The following SYNE1 variants were observed in gnomAD, a reference collection of about 807,000 sequenced individuals.
SYNE1 encodes nesprin-1.
A neutral mutation model predicts 1,111.0 loss-of-function variants in SYNE1; 616 were observed. The observed-to-expected ratio is 0.55, with a 90% CI of 0.52 to 0.59. The LOEUF (loss-of-function observed/expected upper bound fraction) is 0.59. SYNE1 is among the 20% of genes least tolerant of loss of function. The pLI is 0.00. For missense variants in SYNE1, 10,006 were observed against 10,417.0 expected (o/e 0.96, Z 1.72); for synonymous variants, 3,855 against 3,825.8 (o/e 1.01, Z -0.28).
chr6:152,141,003 C>G (rs1480273685), intron 139 of SYNE1, among the ~76,000 whole-genome samples, 200 bp downstream of exon 139: 3 of 151,946 alleles, frequency 2.0e-5, no homozygotes, highest in Non-Finnish European at 4.4e-5. Flanking sequence ...CCACTGCACT[C>G]CAGCCTGGGC....
At position 152,323,630 on chromosome 6, in the gene SYNE1, G is replaced by T; in HGVS notation, c.15765C>A (p.Asp5255Glu). 1.2e-6 allele frequency: 2 copies of T among 1,614,224 alleles called. No homozygotes were observed. The highest frequency in any genetic ancestry group is 2.2e-5 in the South Asian group (2 of 91,080). Residue 5255 changes from aspartate (D) to glutamate (E), a missense_variant, in exon 82 of 146, where the codon GAC becomes GAA. Physicochemically the swap from Asp to Glu is conservative, Grantham distance 45. Coordinates refer to ENST00000367255, the MANE Select transcript of SYNE1 (RefSeq NM_182961.4). ...GCTGCTCCAGCTCCAGAACGAACGT[G>T]TCGTGGTATTCAAGAAGAGTTAAGA... Reference protein sequence around the residue: ...AELLTLLEYHDTFVLELEQQQ... With the variant: ...AELLTLLEYHETFVLELEQQQ...
intron 3 of SYNE1, among the ~76,000 whole-genome samples, chr6:152,578,210 T>C (rs1412172554): frequency 6.6e-6 from 1 of 152,200 alleles, no homozygotes; most frequent in African/African-American, 2.4e-5. Flanking sequence ...CACAGGAAGT[T>C]ACATGGAAAT....
At position 152,461,691 on chromosome 6, in the gene SYNE1, G is replaced by A. The variant is rs750186803; in HGVS notation, c.2300C>T (p.Thr767Ile). Residue 767 changes from threonine (T) to isoleucine (I), a missense_variant, in exon 21 of 146, where the codon ACA becomes ATA. Physicochemically the swap from Thr to Ile is moderately conservative, Grantham distance 89. This residue lies in a region of SYNE1 where 1,971 missense variants were observed against 2,084.1 expected (regional missense o/e 0.95). Coordinates refer to ENST00000367255, the MANE Select transcript of SYNE1 (RefSeq NM_182961.4). ...TTTGGTAATGAGGTGTGCTGTCTTTGTAATTATCTTGTATTGGGCATCCAT... is the reference window on the plus strand; with the variant it reads ...TTTGGTAATGAGGTGTGCTGTCTTTATAATTATCTTGTATTGGGCATCCAT... Reference protein sequence around the residue: ...PVMDAQYKIITKTAHLITKES... With the variant: ...PVMDAQYKIIIKTAHLITKES... The A allele has an allele frequency of 3.1e-6, 5 of 1,613,860 alleles. No individual in the cohort carries two copies. Among genetic ancestry groups the A allele is most frequent in the Admixed American group, 3.3e-5 (2 of 59,988 alleles).
At chr6:152,188,955 C>T (rs2071113953) in intron 128 of SYNE1, among the ~76,000 whole-genome samples, 1 of 18,014 alleles carries the variant, frequency 5.6e-5, no homozygotes, top group African/African-American at 2.3e-4. Context: ...GAGACTCTGT[C>T]TCAAAAAAAA....
At position 152,125,308 on chromosome 6, in the gene SYNE1, A is replaced by G. The variant is rs767753827; in HGVS notation, c.26154-2632T>C. The G allele has an allele frequency of 5.2e-6, 8 of 1,550,468 alleles. No individual in the cohort carries two copies. In the South Asian group the frequency reaches 8.3e-5, roughly 16 times the overall value. On this transcript the variant is annotated intron_variant, in intron 145 of 145. Coordinates refer to ENST00000367255, the MANE Select transcript of SYNE1 (RefSeq NM_182961.4). ...GCAAAGAAGAGAATCCTGAACTTGC[A>G]TCCTAAAATATTTGGAAACAAGTGG... is the stretch of plus-strand genomic sequence containing the variant.
chr6:152,452,858 C>T (rs988430268), intron 25 of SYNE1, among the ~76,000 whole-genome samples: 9 of 152,186 alleles, frequency 5.9e-5, no homozygotes, highest in African/African-American at 9.6e-5. Flanking sequence ...CCCCGTGTCC[C>T]GCTTCACGCT....
intron 95 of SYNE1, among the ~76,000 whole-genome samples, 171 bp downstream of exon 95, chr6:152,293,417 A>G (rs866480093): frequency 5.9e-5 from 9 of 152,112 alleles, no homozygotes; most frequent in Admixed American, 6.5e-5. Context: ...TCCCTGAATC[A>G]GTAGTAGAAA....
At chr6:152,203,696 T>C (rs2075965459) in intron 126 of SYNE1, among the ~76,000 whole-genome samples, 1 of 152,204 alleles carries the variant, frequency 6.6e-6, no homozygotes, top group Admixed American at 6.5e-5. Flanking sequence ...GAAGCAGTGT[T>C]GACTAAAGTG....
intron 124 of SYNE1, 56 bp from the exon 125 acceptor site, chr6:152,208,262 G>T: frequency 6.7e-7 from 1 of 1,499,630 alleles, no homozygotes; most frequent in Non-Finnish European, 9.2e-7. Flanking sequence ...ATGCAGTTAC[G>T]CAATCAGCCA....
rs1302260054 is a variant in SYNE1, at chr6:152,254,821, C to T, written c.19470+59G>A. 44 of 1,465,502 alleles carry T rather than the reference C, an allele frequency of 3.0e-5. No homozygotes were observed. The East Asian group carries it at 9.5e-4, about 32-fold the overall frequency. The allele number at this position is 1,465,502 out of a possible 1,614,324, so 90.8% of individuals were successfully genotyped here. On this transcript the variant is annotated intron_variant, in intron 104 of 145. Coordinates refer to ENST00000367255, the MANE Select transcript of SYNE1 (RefSeq NM_182961.4). Reference sequence around the variant, plus strand: ...CCAGGTCTGTAACACAGACTCGTGACTGACTATTACTGAATACCTAGAGAA... The same window carrying T: ...CCAGGTCTGTAACACAGACTCGTGATTGACTATTACTGAATACCTAGAGAA...
intron 22 of SYNE1, 38 bp downstream of exon 22, chr6:152,458,719 C>T: frequency 6.2e-7 from 1 of 1,607,974 alleles, no homozygotes; most frequent in Non-Finnish European, 8.5e-7. Context: ...GTTACACATG[C>T]TTTAGAATAA....
chr6:152,135,236 C>A lies in SYNE1; in HGVS notation c.25660-4G>T, dbSNP rs1157056250. On this transcript the variant is annotated splice_region_variant and splice_polypyrimidine_tract_variant and intron_variant, in intron 141 of 145. Transcript: ENST00000367255. ...CATGGCTCATTTCATGGAAACCCTA[C>A]AGAAAACAGTTTAAAGTAACTGTAA... is the stretch of plus-strand genomic sequence containing the variant. 1 of 1,613,918 alleles carries A rather than the reference C, an allele frequency of 6.2e-7. No individual in the cohort carries two copies.
At chr6:152,409,318 G>T in intron 43 of SYNE1, 92 bp from the exon 44 acceptor site, 1 of 1,324,764 alleles carries the variant, frequency 7.5e-7, no homozygotes, top group Non-Finnish European at 1.1e-6. Flanking sequence ...ATTCATAATT[G>T]ACCTTATGCA....
rs113943465 is a variant in SYNE1, at chr6:152,462,720, G to A, written c.2250+18C>T. The A allele has an allele frequency of 1.2e-6, 2 of 1,613,744 alleles. No individual in the cohort carries two copies. ...CACAACAGAGTAGGCTTTTCATTTT[G>A]ATTCAGAAACCCCTCACCTCCAAGT... On this transcript the variant is annotated intron_variant, in intron 20 of 145. Transcript: ENST00000367255.
At chr6:152,287,112 C>T (rs1420900130) in intron 95 of SYNE1, among the ~76,000 whole-genome samples, 2 of 152,072 alleles carry the variant, frequency 1.3e-5, no homozygotes, top group Non-Finnish European at 2.9e-5. Context: ...CTAAAGTATC[C>T]GTCTGTGATG....
rs77853132 is a variant in SYNE1, at chr6:152,385,769, T to C, written c.8557A>G (p.Thr2853Ala). Residue 2853 changes from threonine (T) to alanine (A), a missense_variant, in exon 55 of 146, where the codon ACA becomes GCA. Thr to Ala is a moderately conservative substitution (Grantham distance 58, BLOSUM62 0). Coordinates refer to ENST00000367255, the MANE Select transcript of SYNE1 (RefSeq NM_182961.4). ...LMYLDAVHEF[T>A]DWLHSAKEEL... ...TCCTTTGCTGAATGGAGCCAATCTG[T>C]GAACTCGTGGACCGCATCTAAATAC... 1.8e-4 allele frequency: 289 copies of C among 1,614,160 alleles called. No individual in the cohort carries two copies. In the East Asian group the frequency reaches 6.1e-3, roughly 34 times the overall value.
chr6:152,483,144 C>A lies in SYNE1; in HGVS notation c.1291G>T (p.Val431Phe), dbSNP rs761198236. Residue 431 changes from valine (V) to phenylalanine (F), a missense_variant, in exon 14 of 146, where the codon GTT (valine) becomes TTT (phenylalanine). Around this residue, in one of 7 missense-constraint regions of SYNE1, gnomAD observed 1,971 missense variants for 2,084.1 expected, o/e 0.95. Transcript: ENST00000367255. The part of the protein sequence containing the change: ...AEVALREEIT[V>F]QQVHEETANT... ...GCTGTTTCCTCGTGGACCTGTTGAA[C>A]GGTTATTTCCTCTCTCAGGGCCACC... 13 of 1,614,192 alleles carry A rather than the reference C, an allele frequency of 8.1e-6. No homozygotes were observed. The highest frequency in any genetic ancestry group is 1.6e-4 in the Middle Eastern group (1 of 6,062).
chr6:152,323,883 C>T (rs1311328975), intron 81 of SYNE1, 146 bp from the exon 82 acceptor site: 1 of 900,632 alleles, frequency 1.1e-6, no homozygotes, highest in African/African-American at 1.7e-5. Context: ...GGAACCTGAG[C>T]AACCTTCTTA....
intron 55 of SYNE1, 68 bp from the exon 56 acceptor site, chr6:152,381,430 T>A: frequency 6.6e-7 from 1 of 1,522,690 alleles, no homozygotes; most frequent in Non-Finnish European, 9.0e-7. Flanking sequence ...TTTTCAACTG[T>A]GTACACAGGG....
Sources: allele counts gnomAD v4.1 joint callset (sites outside exome capture counted in the v4.1 genomes callset), GRCh38; gene constraint gnomAD v4.1.1; regional missense constraint gnomAD v4.1.1; transcripts MANE v1.5; gene names NCBI Gene and HGNC (gene_info 2026-07-23, HGNC 2026-07-21).